The following MBNL2 variants were observed in gnomAD, a reference collection of about 807,000 sequenced individuals.
MBNL2 encodes the protein muscleblind like splicing regulator 2.
In MBNL2, 17 loss-of-function variants were observed where a neutral mutation model predicts 41.9. That is an observed-to-expected ratio of 0.41 (90% confidence interval 0.28 to 0.61). The LOEUF is 0.61. Among genes scored for constraint, MBNL2 ranks in the 20% least tolerant of loss-of-function variants. The pLI, the probability that MBNL2 is intolerant of heterozygous loss-of-function variation, is 0.35. For synonymous variants in MBNL2, 195 were observed against 182.9 expected (o/e 1.07, Z -0.53); for missense variants, 336 against 505.6 (o/e 0.66, Z 3.22).
At chr13:97,332,349 G>C (rs1309270957) in intron 2 of MBNL2, among the ~76,000 whole-genome samples, 1 of 152,188 alleles carries the variant, frequency 6.6e-6, no homozygotes. Context: ...TGATAGAATT[G>C]TATTTGGCCA....
chr13:97,251,498 C>T (rs1365246689), intron 1 of MBNL2, among the ~76,000 whole-genome samples: 1 of 152,084 alleles, frequency 6.6e-6, no homozygotes, highest in Non-Finnish European at 1.5e-5. Flanking sequence ...AGTCAGATAG[C>T]TACTTGTGCT....
chr13:97,151,389 T>C, the MBNL2 span, among the ~76,000 whole-genome samples: 1 of 152,118 alleles, frequency 6.6e-6, no homozygotes, highest in African/African-American at 2.4e-5. Context: ...AGTATATTTC[T>C]TCAAGGAGGT....
chr13:97,167,975 T>TA, the MBNL2 span, among the ~76,000 whole-genome samples: 3 of 151,784 alleles, frequency 2.0e-5, no homozygotes, highest in South Asian at 4.2e-4. Flanking sequence ...ATATATATAT[T>TA]TTTTTTTGAG....
At chr13:97,353,368 A>G (rs1316347809) in intron 5 of MBNL2, among the ~76,000 whole-genome samples, 1 of 152,254 alleles carries the variant, frequency 6.6e-6, no homozygotes, top group Non-Finnish European at 1.5e-5. Flanking sequence ...CTACTCTAAT[A>G]GCAAAATTAC....
chr13:97,183,160 T>A, the MBNL2 span, among the ~76,000 whole-genome samples: 2 of 152,224 alleles, frequency 1.3e-5, no homozygotes, highest in African/African-American at 2.4e-5. Context: ...TTAATCCATA[T>A]GTGGCTATGG....
chr13:97,159,727 C>CA, the MBNL2 span, among the ~76,000 whole-genome samples: 2 of 151,398 alleles, frequency 1.3e-5, no homozygotes, highest in Admixed American at 6.6e-5. Context: ...TATTGGCCCC[C>CA]ACTCTCTTCT....
At position 97,255,106 on chromosome 13, in the gene MBNL2, C is replaced by T. The variant is rs75598504; in HGVS notation, c.-604-20526C>T. 2.8e-4 allele frequency among the ~76,000 whole-genome samples: 43 copies of T among 152,256 alleles called. No homozygotes were observed. In the East Asian group the frequency reaches 7.7e-3, roughly 27 times the overall value. On this transcript the variant is annotated intron_variant, in intron 1 of 8. Transcript: ENST00000679496. ...AGCTCCCTAAGGATCCCTCCAACTG[C>T]GAGGCAGGAAACATGATTCTTGGCA...
intron 1 of MBNL2, among the ~76,000 whole-genome samples, chr13:97,261,354 C>G (rs890859370): frequency 6.6e-6 from 1 of 152,138 alleles, no homozygotes; most frequent in African/African-American, 2.4e-5. Context: ...TGCAAGATCA[C>G]AGATAAAATT....
At chr13:97,229,929 T>A (rs191374786) in intron 1 of MBNL2, among the ~76,000 whole-genome samples, 15 of 152,268 alleles carry the variant, frequency 9.9e-5, no homozygotes, top group Admixed American at 7.8e-4. Flanking sequence ...TGCATTAGCA[T>A]GACAAATGAA....
chr13:97,163,974 C>T, the MBNL2 span, among the ~76,000 whole-genome samples: 1 of 152,048 alleles, frequency 6.6e-6, no homozygotes. Context: ...TAGCACAGTT[C>T]CTTGGATATA....
At chr13:97,352,970 G>A (rs369085687) in intron 5 of MBNL2, among the ~76,000 whole-genome samples, 6 of 152,166 alleles carry the variant, frequency 3.9e-5, no homozygotes, top group Non-Finnish European at 2.9e-5. Context: ...GGATAAGAGG[G>A]AAAATGGCCA....
At chr13:97,151,540 C>A in the MBNL2 span, among the ~76,000 whole-genome samples, 21 of 152,284 alleles carry the variant, frequency 1.4e-4, no homozygotes, top group Admixed American at 3.3e-4. Context: ...TTGCCAATTG[C>A]AGTGGTGTAA....
At chr13:97,230,367 A>G (rs2042217734) in intron 1 of MBNL2, among the ~76,000 whole-genome samples, 2 of 152,226 alleles carry the variant, frequency 1.3e-5, no homozygotes, top group South Asian at 4.1e-4. Context: ...GTGGGCGATG[A>G]TGAGTTTTTA....
intron 5 of MBNL2, among the ~76,000 whole-genome samples, chr13:97,354,453 C>T (rs997456947): frequency 3.9e-5 from 6 of 152,180 alleles, no homozygotes; most frequent in African/African-American, 1.4e-4. Flanking sequence ...CCCCGCCCTC[C>T]AAGACCTCAG....
In MBNL2 at chr13:97,347,004, G is replaced by A. The variant is rs754842384; in HGVS notation, c.741G>A (p.Ala247=). ...PAHLQAKIKA[A]QHQANQAAVA... ...ACTTGCAGGCCAAAATCAAAGCTGC[G>A]CAGCACCAAGCCAACCAAGCTGCGG... The change falls in exon 5 of 9, where the codon GCG becomes GCA. Residue 247 remains alanine (A), a synonymous_variant. Coordinates refer to ENST00000679496, the MANE Select transcript of MBNL2 (RefSeq NM_001382683.1). The A allele has an allele frequency of 4.2e-5, 68 of 1,613,330 alleles. 1 individual carries two copies. In the South Asian group the frequency reaches 6.4e-4, roughly 15 times the overall value.
At chr13:97,266,020 T>G (rs1229935144) in intron 1 of MBNL2, among the ~76,000 whole-genome samples, 2 of 152,138 alleles carry the variant, frequency 1.3e-5, no homozygotes, top group African/African-American at 4.8e-5. Context: ...GGTGGGTGGA[T>G]GACTTGAGGT....
intron 2 of MBNL2, among the ~76,000 whole-genome samples, chr13:97,315,068 C>G (rs1358880154): frequency 1.3e-5 from 2 of 152,090 alleles, no homozygotes; most frequent in Admixed American, 1.3e-4. Context: ...ATAAAGCAGA[C>G]AGTCATATAT....
chr13:97,179,550 T>A, the MBNL2 span: 1 of 152,304 alleles, frequency 6.6e-6, no homozygotes, highest in Non-Finnish European at 1.5e-5. Context: ...GCTGATTCCT[T>A]AGCAAAGTGC....
chr13:97,300,286 T>C (rs1041057878), intron 2 of MBNL2, among the ~76,000 whole-genome samples: 3 of 152,112 alleles, frequency 2.0e-5, no homozygotes, highest in African/African-American at 7.2e-5. Context: ...TCAATGACAG[T>C]GAAAGTAACA....
Sources: allele counts gnomAD v4.1 joint callset (sites outside exome capture counted in the v4.1 genomes callset), GRCh38; gene constraint gnomAD v4.1.1; transcripts MANE v1.5; gene names NCBI Gene and HGNC (gene_info 2026-07-23, HGNC 2026-07-21).